The following GNA14 variants were observed in gnomAD, a reference collection of about 807,000 sequenced individuals.
GNA14 encodes guanine nucleotide-binding protein subunit alpha-14.
GNA14 carries 50 observed loss-of-function variants against 42.0 expected under a neutral mutation model. The observed-to-expected ratio is 1.19, with a 90% CI of 0.95 to 1.51. GNA14 has a LOEUF of 1.51. Among genes scored for constraint, GNA14 ranks in the 40% most tolerant of loss-of-function variants. The probability of loss-of-function intolerance (pLI) is 0.00; values close to 1 mark genes in which losing one functional copy is unlikely to be tolerated. For missense variants in GNA14, 473 were observed against 446.2 expected (o/e 1.06, Z -0.54); for synonymous variants, 173 against 163.1 (o/e 1.06, Z -0.46).
At chr9:77,514,676 C>CAT (rs1837221608) in intron 2 of GNA14, among the ~76,000 whole-genome samples, 1 of 147,204 alleles carries the variant, frequency 6.8e-6, no homozygotes, top group Admixed American at 6.9e-5. Flanking sequence ...TGCAGTGGTG[C>CAT]GATCTCGGCT....
At chr9:77,435,832 G>A (rs984928993) in intron 2 of GNA14, among the ~76,000 whole-genome samples, 2 of 152,140 alleles carry the variant, frequency 1.3e-5, no homozygotes, top group African/African-American at 4.8e-5. Context: ...TTCCTTGGCT[G>A]CAAGTTGTAG....
At chr9:77,515,983 A>AAAAAAAAAAAC (rs1276481734) in intron 2 of GNA14, among the ~76,000 whole-genome samples, 8 of 145,450 alleles carry the variant, frequency 5.5e-5, no homozygotes, top group East Asian at 2.2e-4. Context: ...AAAAAAAAAA[A>AAAAAAAAAAAC]CCCAGAGCAG....
chr9:77,632,695 G>A (rs1231827608), intron 1 of GNA14, among the ~76,000 whole-genome samples: 1 of 152,172 alleles, frequency 6.6e-6, no homozygotes, highest in Admixed American at 6.5e-5. Flanking sequence ...GCTGCTTGTG[G>A]CGTGCCTGGT....
At chr9:77,539,850 G>T (rs1837638347) in intron 1 of GNA14, among the ~76,000 whole-genome samples, 1 of 151,744 alleles carries the variant, frequency 6.6e-6, no homozygotes, top group Non-Finnish European at 1.5e-5. Flanking sequence ...TCTCCTTTTT[G>T]ATTTCTGATT....
At chr9:77,546,537 C>T (rs748066791) in intron 1 of GNA14, among the ~76,000 whole-genome samples, 2 of 152,122 alleles carry the variant, frequency 1.3e-5, no homozygotes, top group Non-Finnish European at 2.9e-5. Flanking sequence ...ATCCATTGAT[C>T]GCCTAGCTGG....
At chr9:77,504,405 C>T (rs1382612600) in intron 2 of GNA14, among the ~76,000 whole-genome samples, 2 of 152,120 alleles carry the variant, frequency 1.3e-5, no homozygotes, top group Non-Finnish European at 2.9e-5. Context: ...ACCCAGGACA[C>T]TCTTCTGAAG....
At chr9:77,531,966 A>C (rs1837535542) in intron 1 of GNA14, among the ~76,000 whole-genome samples, 2 of 152,218 alleles carry the variant, frequency 1.3e-5, no homozygotes, top group African/African-American at 2.4e-5. Context: ...TTGTTCAAAG[A>C]ATTAAAAAAC....
chr9:77,508,363 C>T (rs1471510497), intron 2 of GNA14, among the ~76,000 whole-genome samples: 1 of 152,104 alleles, frequency 6.6e-6, no homozygotes, highest in East Asian at 1.9e-4. Flanking sequence ...TGTTGAGATG[C>T]TTGAGAACCA....
intron 1 of GNA14, among the ~76,000 whole-genome samples, chr9:77,586,683 T>C (rs1823309243): frequency 6.6e-6 from 1 of 152,216 alleles, no homozygotes; most frequent in African/African-American, 2.4e-5. Context: ...GTGTCTGATT[T>C]ACATAGGGCC....
intron 1 of GNA14, among the ~76,000 whole-genome samples, chr9:77,541,432 T>A: frequency 6.6e-6 from 1 of 152,186 alleles, no homozygotes; most frequent in Middle Eastern, 3.2e-3. Flanking sequence ...CCTTTATAGG[T>A]GACTATAAAC....
At chr9:77,446,015 G>T (rs1835811732) in intron 2 of GNA14, among the ~76,000 whole-genome samples, 1 of 152,184 alleles carries the variant, frequency 6.6e-6, no homozygotes, top group Admixed American at 6.5e-5. Flanking sequence ...AGGACGACAG[G>T]GTTTACTCCC....
chr9:77,608,065 A>G (rs779548202), intron 1 of GNA14, among the ~76,000 whole-genome samples: 2 of 152,118 alleles, frequency 1.3e-5, no homozygotes, highest in Non-Finnish European at 2.9e-5. Flanking sequence ...CTCTCACAAA[A>G]AGCCTTGGGG....
At chr9:77,636,945 A>T (rs1177340917) in intron 1 of GNA14, among the ~76,000 whole-genome samples, 2 of 152,214 alleles carry the variant, frequency 1.3e-5, no homozygotes, top group Non-Finnish European at 2.9e-5. Context: ...CAGCACTCCT[A>T]AGTCCATTAA....
intron 1 of GNA14, among the ~76,000 whole-genome samples, chr9:77,534,341 T>C (rs1056422559): frequency 2.0e-5 from 3 of 152,188 alleles, no homozygotes; most frequent in African/African-American, 4.8e-5. Context: ...TAACCAAGGA[T>C]TGAAACTCAT....
intron 1 of GNA14, among the ~76,000 whole-genome samples, chr9:77,564,312 A>AC (rs1157715339): frequency 1.3e-5 from 2 of 151,506 alleles, no homozygotes; most frequent in African/African-American, 4.8e-5. Context: ...AAAAAAAAAA[A>AC]AACTTATTTT....
chr9:77,438,216 A>G (rs1835669845), intron 2 of GNA14, among the ~76,000 whole-genome samples: 1 of 152,104 alleles, frequency 6.6e-6, no homozygotes, highest in Non-Finnish European at 1.5e-5. Context: ...TGAGAGGACC[A>G]GAAGTACTTC....
intron 2 of GNA14, among the ~76,000 whole-genome samples, chr9:77,489,764 C>T (rs7873061): frequency 0.19 from 28,820 of 151,870 alleles, 2,930 homozygotes; most frequent in East Asian, 0.33. Context: ...CTCGTGGTCT[C>T]GCTGGGCTCA....
intron 5 of GNA14, among the ~76,000 whole-genome samples, chr9:77,427,896 G>A (rs1011743838): frequency 6.6e-6 from 1 of 152,148 alleles, no homozygotes; most frequent in East Asian, 1.9e-4. Context: ...TCTAATTTGG[G>A]AGCACCATGG....
intron 1 of GNA14, among the ~76,000 whole-genome samples, chr9:77,538,390 G>C (rs1238371923): frequency 6.6e-6 from 1 of 152,054 alleles, no homozygotes; most frequent in Non-Finnish European, 1.5e-5. Context: ...TTTTGCTCAG[G>C]ATTGCTTTGC....
Sources: allele counts gnomAD v4.1 joint callset (sites outside exome capture counted in the v4.1 genomes callset), GRCh38; gene constraint gnomAD v4.1.1; transcripts MANE v1.5; gene names NCBI Gene and HGNC (gene_info 2026-07-23, HGNC 2026-07-21).